STKLD1: variants seen among roughly 807,000 people sequenced by gnomAD.
STKLD1 encodes serine/threonine kinase like domain containing 1, also known as serine/threonine kinase-like domain-containing protein STKLD1.
A neutral mutation model predicts 80.4 loss-of-function variants in STKLD1; 79 were observed. That is an observed-to-expected ratio of 0.98 (90% CI 0.82 to 1.19). STKLD1 has a LOEUF of 1.19. Ranked by LOEUF, STKLD1 falls within the 50% of genes most tolerant of loss-of-function variation. The pLI is 0.00. For missense variants in STKLD1, 841 were observed against 856.0 expected (o/e 0.98, Z 0.22); for synonymous variants, 393 against 357.6 (o/e 1.10, Z -1.12).
chr9:133,404,696 G>A, intron 16 of STKLD1, 93 bp from the exon 17 acceptor site: 3 of 1,515,822 alleles, frequency 2.0e-6, no homozygotes, highest in Non-Finnish European at 2.6e-6. Flanking sequence ...CCAGGCCCCT[G>A]TGTGAGCTCT....
rs1838246521 is a variant in STKLD1 at position 133,385,602 on chromosome 9, G to T, written c.220-15G>T. 1.2e-6 allele frequency: 2 copies of T among 1,612,898 alleles called. No individual in the cohort carries two copies. Among genetic ancestry groups the T allele is most frequent in the Non-Finnish European group, 1.7e-6 (2 of 1,179,776 alleles). On this transcript the variant is annotated splice_polypyrimidine_tract_variant and intron_variant, in intron 3 of 17. Coordinates refer to ENST00000371957, the MANE Select transcript of STKLD1 (RefSeq NM_153710.5). This position sits in a 1 kb window ranked among gnomAD's most constrained non-coding sequence, Gnocchi z 4.9. ...AGGCACTGACTTCTCCGTTTCCTCT[G>T]CTCTATCCTGGCAGCTGATGCCACT...
intron 12 of STKLD1, 124 bp from the exon 13 acceptor site, chr9:133,401,614 A>C: frequency 8.0e-7 from 1 of 1,256,374 alleles, no homozygotes; most frequent in South Asian, 1.5e-5. Context: ...GGTCAGAACA[A>C]GGCAGACCTC....
Position 133,404,919 on chromosome 9 carries a change from G to T in STKLD1, c.1863G>T (p.Leu621=). Reference sequence around the variant, plus strand: ...ACGTGGGCATGCTGCTGGTCCACCTGGCTTCCTATGGTGAGAACCCCTTCT... The same window carrying T: ...ACGTGGGCATGCTGCTGGTCCACCTTGCTTCCTATGGTGAGAACCCCTTCT... ...VENVGMLLVH[L]ASYEEILPEL... The change falls in exon 17 of 18, where the codon CTG becomes CTT. Residue 621 remains leucine, a synonymous_variant. Coordinates refer to ENST00000371957, the MANE Select transcript of STKLD1 (RefSeq NM_153710.5). 1 of 1,613,256 alleles carries T rather than the reference G, an allele frequency of 6.2e-7. No individual in the cohort carries two copies. Among genetic ancestry groups the T allele is most frequent in the East Asian group, 2.2e-5 (1 of 44,836 alleles).
intron 11 of STKLD1, among the ~76,000 whole-genome samples, chr9:133,398,998 G>A (rs1838629064): frequency 6.6e-6 from 1 of 152,082 alleles, no homozygotes; most frequent in African/African-American, 2.4e-5. Flanking sequence ...GACTACAGGT[G>A]TGTGCCACCA....
At chr9:133,381,726 A>T (rs1838140382) in intron 2 of STKLD1, among the ~76,000 whole-genome samples, 1 of 152,240 alleles carries the variant, frequency 6.6e-6, no homozygotes, top group African/African-American at 2.4e-5. Flanking sequence ...CTGGGATTTC[A>T]GGCGTGAGCC....
At chr9:133,402,010 G>A in intron 13 of STKLD1, 132 bp downstream of exon 13, 1 of 1,158,886 alleles carries the variant, frequency 8.6e-7, no homozygotes, top group South Asian at 1.7e-5. Flanking sequence ...GATACATGGT[G>A]GCATTTGGCC....
chr9:133,397,333 C>G (rs782444361), intron 10 of STKLD1, 39 bp downstream of exon 10: 2 of 1,608,950 alleles, frequency 1.2e-6, no homozygotes, highest in East Asian at 4.5e-5. Flanking sequence ...TGCCCTGAAG[C>G]TCCTGTCCAT....
intron 16 of STKLD1, 61 bp downstream of exon 16, chr9:133,404,109 C>A: frequency 1.3e-6 from 2 of 1,496,210 alleles, no homozygotes; most frequent in South Asian, 1.3e-5. Context: ...CAGCCCCCAT[C>A]AGTTACATCT....
At chr9:133,402,247 C>T (rs1413611673) in intron 13 of STKLD1, among the ~76,000 whole-genome samples, 5 of 152,118 alleles carry the variant, frequency 3.3e-5, no homozygotes, top group African/African-American at 7.2e-5. Context: ...AAGCCTCCAG[C>T]CAGGACTGTG....
intron 17 of STKLD1, 111 bp from the exon 18 acceptor site, chr9:133,405,141 C>T: frequency 7.2e-7 from 1 of 1,393,774 alleles, no homozygotes; most frequent in Non-Finnish European, 9.7e-7. Flanking sequence ...CAAGGTGGCT[C>T]TGTGCATGCC....
At chr9:133,379,851 G>A (rs1191154565) in intron 2 of STKLD1, among the ~76,000 whole-genome samples, 1 of 152,222 alleles carries the variant, frequency 6.6e-6, no homozygotes, top group Non-Finnish European at 1.5e-5. Flanking sequence ...ACAGCGGGAG[G>A]AGCCTTGTCA....
At chr9:133,395,110 G>A (rs751075807) in intron 8 of STKLD1, among the ~76,000 whole-genome samples, 1 of 152,202 alleles carries the variant, frequency 6.6e-6, no homozygotes, top group Non-Finnish European at 1.5e-5. Flanking sequence ...TCCCCAGAAA[G>A]GACAGACACC....
intron 10 of STKLD1, 105 bp from the exon 11 acceptor site, chr9:133,397,867 G>A: frequency 1.2e-6 from 1 of 833,180 alleles, no homozygotes; most frequent in Non-Finnish European, 1.9e-6. Flanking sequence ...GTGGATCTGA[G>A]GAGGGGATGC....
intron 2 of STKLD1, among the ~76,000 whole-genome samples, chr9:133,379,875 G>C (rs1160135703): frequency 6.6e-6 from 1 of 152,198 alleles, no homozygotes; most frequent in Admixed American, 6.5e-5. Context: ...GCTGCTACTG[G>C]GCCAGGCCTC....
rs782604739 is a variant in STKLD1 at position 133,402,989 on chromosome 9, T to C, written c.1451T>C (p.Leu484Pro). The change falls in exon 14 of 18, where the codon CTG becomes CCG. Residue 484 changes from leucine to proline, a missense_variant. Coordinates refer to ENST00000371957, the MANE Select transcript of STKLD1 (RefSeq NM_153710.5). ...SRDVCASGLG[L>P]LWALLLDGII... ...GACGTCTGCGCCAGCGGCCTGGGCC[T>C]GCTCTGGGCCCTCCTGCTGGACGGT... The C allele has an allele frequency of 3.9e-5, 61 of 1,574,420 alleles. No individual in the cohort carries two copies. The highest frequency in any genetic ancestry group is 4.1e-5 in the Non-Finnish European group (47 of 1,160,242).
At chr9:133,380,208 T>TGTATTTTA (rs1491104864) in intron 2 of STKLD1, among the ~76,000 whole-genome samples, 4 of 152,150 alleles carry the variant, frequency 2.6e-5, no homozygotes, top group African/African-American at 9.7e-5. Flanking sequence ...GCTAATTTTT[T>TGTATTTTA]GTATTTTAGT....
chr9:133,379,424 A>G (rs1192446103), intron 2 of STKLD1, among the ~76,000 whole-genome samples: 1 of 152,242 alleles, frequency 6.6e-6, no homozygotes, highest in Non-Finnish European at 1.5e-5. Flanking sequence ...AGCAGAAACA[A>G]TGACCCTGTT....
intron 9 of STKLD1, 121 bp downstream of exon 9, chr9:133,395,884 T>A: frequency 1.0e-6 from 1 of 1,001,584 alleles, no homozygotes; most frequent in Non-Finnish European, 1.5e-6. Flanking sequence ...ACAGATGCCC[T>A]GATTATCCCT....
intron 8 of STKLD1, among the ~76,000 whole-genome samples, chr9:133,395,287 G>A (rs1838530312): frequency 6.6e-6 from 1 of 152,198 alleles, no homozygotes; most frequent in African/African-American, 2.4e-5. Context: ...CCCAGCCCAG[G>A]CAGTGTGACC....
Sources: allele counts gnomAD v4.1 joint callset (sites outside exome capture counted in the v4.1 genomes callset), GRCh38; gene constraint gnomAD v4.1.1; non-coding constraint Gnocchi (gnomAD v3.1); transcripts MANE v1.5; gene names NCBI Gene and HGNC (gene_info 2026-07-23, HGNC 2026-07-21).